The following ARHGAP24 variants were observed in gnomAD, a reference collection of about 807,000 sequenced individuals.
ARHGAP24 encodes Rho GTPase activating protein 24.
ARHGAP24 carries 50 observed loss-of-function variants against 76.4 expected under a neutral mutation model. The ratio of observed to expected loss-of-function variants is 0.65; its 90% confidence interval spans 0.52 to 0.83. The LOEUF is 0.83. Among genes scored for constraint, ARHGAP24 ranks in the 40% least tolerant of loss-of-function variants. The pLI, the probability that ARHGAP24 is intolerant of heterozygous loss-of-function variation, is 0.00. For missense variants in ARHGAP24, 930 were observed against 914.2 expected, an observed-to-expected ratio of 1.02 and a Z score of -0.22; for synonymous variants, 345 against 323.3, an observed-to-expected ratio of 1.07 and a Z score of -0.72.
chr4:85,704,453 T>C (rs950147528), intron 2 of ARHGAP24, among the ~76,000 whole-genome samples: 20 of 152,102 alleles, frequency 1.3e-4, no homozygotes, highest in African/African-American at 4.8e-4. Context: ...AGTTTTGGAA[T>C]GGAGGCCATC....
intron 3 of ARHGAP24, among the ~76,000 whole-genome samples, chr4:85,910,012 AGT>A (rs1273393886): frequency 6.6e-6 from 1 of 152,008 alleles, no homozygotes; most frequent in Non-Finnish European, 1.5e-5. Context: ...TCAGGCATGG[AGT>A]GTGTGAGTGA....
chr4:85,584,055 C>G (rs1367870887), intron 2 of ARHGAP24, among the ~76,000 whole-genome samples: 1 of 148,964 alleles, frequency 6.7e-6, no homozygotes, highest in Non-Finnish European at 1.5e-5. Flanking sequence ...GGATCTAGAA[C>G]TAGAAATACC....
chr4:85,487,197 ATATT>A (rs1723094654), intron 1 of ARHGAP24, among the ~76,000 whole-genome samples: 3 of 136,324 alleles, frequency 2.2e-5, no homozygotes, highest in South Asian at 4.3e-4. Flanking sequence ...ATAAAAATAT[ATATT>A]TATTTTATAT....
intron 3 of ARHGAP24, among the ~76,000 whole-genome samples, chr4:85,860,179 T>C (rs1731807979): frequency 6.6e-6 from 1 of 152,080 alleles, no homozygotes; most frequent in African/African-American, 2.4e-5. Context: ...ATATTTAGAA[T>C]GAATTAGGCA....
chr4:85,721,753 A>T, intron 2 of ARHGAP24, 132 bp from the exon 3 acceptor site: 1 of 763,196 alleles, frequency 1.3e-6, no homozygotes, highest in Non-Finnish European at 2.3e-6. Flanking sequence ...GATTATTGGG[A>T]ATATAAAAGA....
At chr4:85,947,127 C>T (rs1489700767) in intron 5 of ARHGAP24, among the ~76,000 whole-genome samples, 2 of 152,016 alleles carry the variant, frequency 1.3e-5, no homozygotes, top group African/African-American at 4.8e-5. Context: ...TCTTGTATGT[C>T]TTCTTTTGAG....
intron 7 of ARHGAP24, chr4:85,975,576 C>T (rs984901830): frequency 6.5e-6 from 1 of 153,002 alleles, no homozygotes; most frequent in Admixed American, 6.5e-5. Context: ...AAATATACCT[C>T]TCAATGTATA....
At chr4:85,894,982 AAAAAAAC>A (rs1734074362) in intron 3 of ARHGAP24, among the ~76,000 whole-genome samples, 1 of 21,190 alleles carries the variant, frequency 4.7e-5, no homozygotes, top group African/African-American at 2.1e-4. Flanking sequence ...AAAAAAAAAA[AAAAAAAC>A]AAAACAAAAA....
At chr4:85,711,615 C>T (rs1560596822) in intron 2 of ARHGAP24, among the ~76,000 whole-genome samples, 1 of 151,996 alleles carries the variant, frequency 6.6e-6, no homozygotes, top group Non-Finnish European at 1.5e-5. Context: ...CATTGTTCTC[C>T]CTATGAAACT....
chr4:85,875,822 A>T (rs1578332058), intron 3 of ARHGAP24, among the ~76,000 whole-genome samples: 1 of 150,470 alleles, frequency 6.6e-6, no homozygotes, highest in South Asian at 2.1e-4. Flanking sequence ...GCTCAGTGCA[A>T]CCTGTGCATC....
At chr4:85,793,546 G>T (rs1369345282) in intron 3 of ARHGAP24, among the ~76,000 whole-genome samples, 1 of 152,060 alleles carries the variant, frequency 6.6e-6, no homozygotes, top group Non-Finnish European at 1.5e-5. Flanking sequence ...TCTATTTATG[G>T]CATCTGGCAA....
intron 2 of ARHGAP24, among the ~76,000 whole-genome samples, chr4:85,681,791 A>G (rs2110010445): frequency 6.6e-6 from 1 of 152,354 alleles, no homozygotes; most frequent in South Asian, 2.1e-4. Context: ...CCTTTTACTT[A>G]GCTCTTCATG....
intron 3 of ARHGAP24, among the ~76,000 whole-genome samples, chr4:85,784,162 TA>T (rs1727696607): frequency 6.6e-6 from 1 of 152,244 alleles, no homozygotes; most frequent in Admixed American, 6.5e-5. Context: ...AACAGCTTTT[TA>T]TCTCTGTCTT....
At chr4:85,616,907 C>T (rs969106912) in intron 2 of ARHGAP24, among the ~76,000 whole-genome samples, 2 of 152,034 alleles carry the variant, frequency 1.3e-5, no homozygotes, top group Non-Finnish European at 2.9e-5. Context: ...GGATTACAGA[C>T]GTGAGCCGGC....
At chr4:85,525,306 C>T (rs1311951578) in intron 1 of ARHGAP24, among the ~76,000 whole-genome samples, 2 of 126,334 alleles carry the variant, frequency 1.6e-5, no homozygotes, top group East Asian at 2.4e-4. Flanking sequence ...TCCTTTTATG[C>T]ATTTATATCC....
chr4:85,543,496 G>A (rs904182735), intron 1 of ARHGAP24, among the ~76,000 whole-genome samples: 2 of 152,046 alleles, frequency 1.3e-5, no homozygotes, highest in African/African-American at 2.4e-5. Context: ...GGTATAGTTG[G>A]GAAAGGTGAA....
intron 1 of ARHGAP24, among the ~76,000 whole-genome samples, chr4:85,507,910 A>G (rs1015384191): frequency 1.3e-5 from 2 of 152,134 alleles, no homozygotes; most frequent in Non-Finnish European, 2.9e-5. Context: ...TGCCTGATAG[A>G]CAGCCATTCT....
At chr4:85,943,819 A>G (rs1265472335) in intron 5 of ARHGAP24, among the ~76,000 whole-genome samples, 1 of 151,074 alleles carries the variant, frequency 6.6e-6, no homozygotes, top group African/African-American at 2.4e-5. Flanking sequence ...ATAGTATTCC[A>G]TGGTGTATAT....
intron 2 of ARHGAP24, among the ~76,000 whole-genome samples, chr4:85,676,847 G>A (rs1211518838): frequency 6.6e-6 from 1 of 152,206 alleles, no homozygotes; most frequent in East Asian, 1.9e-4. Flanking sequence ...TTGTTTTGAA[G>A]TACAATAGCA....
Sources: allele counts gnomAD v4.1 joint callset (sites outside exome capture counted in the v4.1 genomes callset), GRCh38; gene constraint gnomAD v4.1.1; transcripts MANE v1.5; gene names NCBI Gene and HGNC (gene_info 2026-07-23, HGNC 2026-07-21).